The following SDK2 variants were observed in gnomAD, a reference collection of about 807,000 sequenced individuals.
SDK2 encodes protein sidekick-2.
In SDK2, 105 loss-of-function variants were observed where a neutral mutation model predicts 253.9. The ratio of observed to expected loss-of-function variants is 0.41; its 90% CI spans 0.35 to 0.49. SDK2 has a LOEUF of 0.49. SDK2 is among the 20% of genes least tolerant of loss of function. The probability of loss-of-function intolerance (pLI) is 0.06; values close to 1 mark genes in which losing one functional copy is unlikely to be tolerated. For missense variants in SDK2, 2,608 were observed against 3,003.0 expected (o/e 0.87, Z 3.07); for synonymous variants, 1,249 against 1,234.9 (o/e 1.01, Z -0.24).
chr17:73,486,610 T>TA (rs34896987), intron 2 of SDK2, among the ~76,000 whole-genome samples: 19,941 of 96,238 alleles, frequency 0.21, 2,252 homozygotes, highest in Non-Finnish European at 0.26. Flanking sequence ...ACTCTGCTTC[T>TA]AAAAAAAAAA....
chr17:73,633,935 C>T (rs1232107049), intron 1 of SDK2, among the ~76,000 whole-genome samples: 3 of 151,986 alleles, frequency 2.0e-5, no homozygotes, highest in African/African-American at 7.3e-5. Context: ...GCAGTGTGAG[C>T]TTGGTGGAAG....
At chr17:73,445,048 C>G (rs1433640305) in intron 5 of SDK2, among the ~76,000 whole-genome samples, 1 of 152,206 alleles carries the variant, frequency 6.6e-6, no homozygotes, top group Non-Finnish European at 1.5e-5. Context: ...TACGGAACAA[C>G]TTATGCATAC....
rs1243551986 is a variant in SDK2 at position 73,435,236 on chromosome 17, C to G, written c.1195+214G>C. On this transcript the variant is annotated intron_variant, in intron 9 of 44. Transcript: ENST00000392650. The surrounding 1 kb of genome is among the most constrained non-coding windows in gnomAD (Gnocchi z 5.7). ...GGACATTGGAGAGAACTTCTAGGGACCAGAGATTTCCTCCAGGGCTCTGGA... is the reference window on the plus strand; with the variant it reads ...GGACATTGGAGAGAACTTCTAGGGAGCAGAGATTTCCTCCAGGGCTCTGGA... Among the ~76,000 whole-genome samples the G allele has an allele frequency of 6.6e-6, 1 of 152,174 alleles. No individual in the cohort carries two copies. The highest frequency in any genetic ancestry group is 2.4e-5 in the African/African-American group (1 of 41,450).
chr17:73,362,595 T>G (rs919126774), intron 38 of SDK2, among the ~76,000 whole-genome samples: 1 of 152,124 alleles, frequency 6.6e-6, no homozygotes, highest in African/African-American at 2.4e-5. Context: ...CTCATTATGT[T>G]GCCCAGGCTG....
chr17:73,398,249 G>A lies in SDK2; in HGVS notation c.3204-64C>T, dbSNP rs892763305. On this transcript the variant is annotated intron_variant, in intron 23 of 44. Transcript: ENST00000392650. ...CTCACCCAACTCTCAACCCTGTCCT[G>A]GTCTGGGCCATAGCCCCCACCCACC... is the stretch of plus-strand genomic sequence containing the variant. 3.7e-6 allele frequency: 6 copies of A among 1,601,604 alleles called. No homozygotes were observed. The African/African-American group carries it at 8.0e-5, about 21-fold the overall frequency.
chr17:73,483,092 G>A (rs560531628), intron 2 of SDK2, among the ~76,000 whole-genome samples: 33 of 151,910 alleles, frequency 2.2e-4, no homozygotes, highest in African/African-American at 7.5e-4. Context: ...ATACCTGCCC[G>A]CCCTGACCCG....
chr17:73,377,589 G>A (rs539228406), intron 36 of SDK2, among the ~76,000 whole-genome samples: 10 of 151,496 alleles, frequency 6.6e-5, no homozygotes, highest in African/African-American at 1.9e-4. Flanking sequence ...CACCCCTCGG[G>A]GGGTGAGAGC....
intron 1 of SDK2, among the ~76,000 whole-genome samples, chr17:73,537,711 G>A (rs1378496947): frequency 6.6e-6 from 1 of 152,226 alleles, no homozygotes; most frequent in South Asian, 2.1e-4. Context: ...TTGCCTGTAA[G>A]CAGGGGGAAG....
chr17:73,516,292 T>C (rs930378753), intron 1 of SDK2, among the ~76,000 whole-genome samples: 1 of 152,250 alleles, frequency 6.6e-6, no homozygotes, highest in Admixed American at 6.5e-5. Context: ...GAGATGGTAC[T>C]GGTCAGGGTG....
At chr17:73,527,897 G>C (rs2064138517) in intron 1 of SDK2, among the ~76,000 whole-genome samples, 1 of 152,156 alleles carries the variant, frequency 6.6e-6, no homozygotes, top group Non-Finnish European at 1.5e-5. Context: ...CTAGGATTCT[G>C]GTGCTGACGA....
In SDK2 at chr17:73,455,381, C is replaced by T. The variant is rs2063518487; in HGVS notation, c.479+525G>A. Among the ~76,000 whole-genome samples, 1 of 152,194 alleles carries T rather than the reference C, an allele frequency of 6.6e-6. No individual in the cohort carries two copies. The highest frequency in any genetic ancestry group is 1.5e-5 in the Non-Finnish European group (1 of 68,018). ...ATCCCAGGGGGCACACAGAGACGGC[C>T]TTGTGAACACTCAGAGGCCTGTGTG... On this transcript the variant is annotated intron_variant, in intron 4 of 44. Coordinates refer to ENST00000392650, the MANE Select transcript of SDK2 (RefSeq NM_001144952.2). This position sits in a 1 kb window ranked among gnomAD's most constrained non-coding sequence, Gnocchi z 5.0.
rs112295063 is a variant in SDK2, at chr17:73,621,244, T to A, written c.64+22781A>T. 1.3e-3 allele frequency among the ~76,000 whole-genome samples: 202 copies of A among 152,332 alleles called. 1 individual carries two copies. The highest frequency in any genetic ancestry group is 4.5e-3 in the African/African-American group (186 of 41,590). On this transcript the variant is annotated intron_variant, in intron 1 of 44. Coordinates refer to ENST00000392650, the MANE Select transcript of SDK2 (RefSeq NM_001144952.2). ...CCAGCTGAGGATAAATGTACTGAAC[T>A]GAGATTTGAGCTACTGCCCCAAGGG...
chr17:73,430,749 G>A (rs2063320427), intron 11 of SDK2, 136 bp from the exon 12 acceptor site: 4 of 574,512 alleles, frequency 7.0e-6, no homozygotes, highest in South Asian at 3.3e-5. Context: ...ATTCTTGGAA[G>A]CCACGTCATA....
intron 1 of SDK2, among the ~76,000 whole-genome samples, chr17:73,615,565 C>T (rs535275985): frequency 6.6e-6 from 1 of 152,282 alleles, no homozygotes; most frequent in South Asian, 2.1e-4. Flanking sequence ...CTCCCCAAGC[C>T]CCGTCCCTCC....
intron 36 of SDK2, chr17:73,369,086 G>A (rs1396718568): frequency 4.5e-6 from 2 of 443,128 alleles, no homozygotes; most frequent in East Asian, 7.3e-5. Context: ...CCAAGACCCT[G>A]GTCTCTGCCA....
intron 16 of SDK2, among the ~76,000 whole-genome samples, chr17:73,418,492 T>G (rs1266831554): frequency 6.6e-6 from 1 of 152,090 alleles, no homozygotes; most frequent in East Asian, 1.9e-4. Context: ...ACAACAAAAT[T>G]AACCAATAGT....
At chr17:73,376,062 C>T (rs2062777940) in intron 36 of SDK2, among the ~76,000 whole-genome samples, 1 of 151,716 alleles carries the variant, frequency 6.6e-6, no homozygotes, top group Admixed American at 6.6e-5. Context: ...GGCATGGTGG[C>T]AGGCACCTGT....
At chr17:73,602,703 G>T (rs2045857714) in intron 1 of SDK2, among the ~76,000 whole-genome samples, 1 of 151,944 alleles carries the variant, frequency 6.6e-6, no homozygotes, top group African/African-American at 2.4e-5. Flanking sequence ...TTAAAGCAGG[G>T]TTTCTCAACC....
intron 2 of SDK2, among the ~76,000 whole-genome samples, chr17:73,478,915 G>GAGTGCACATGTGCACACT (rs1444061938): frequency 6.6e-6 from 1 of 152,224 alleles, no homozygotes; most frequent in African/African-American, 2.4e-5. Flanking sequence ...AGGTGTGTGT[G>GAGTGCACATGTGCACACT]AGTGCACATG....
Sources: allele counts gnomAD v4.1 joint callset (sites outside exome capture counted in the v4.1 genomes callset), GRCh38; gene constraint gnomAD v4.1.1; non-coding constraint Gnocchi (gnomAD v3.1); transcripts MANE v1.5; gene names NCBI Gene and HGNC (gene_info 2026-07-23, HGNC 2026-07-21).